Variants in GLI2 observed in about 807,000 individuals in gnomAD.
The protein encoded by GLI2 is transcription activator GLI2.
A neutral mutation model predicts 78.9 loss-of-function variants in GLI2; 22 were observed. The ratio of observed to expected loss-of-function variants is 0.28; its 90% CI spans 0.20 to 0.40. The LOEUF is 0.40. Ranked by LOEUF, GLI2 falls within the 10% of genes least tolerant of loss-of-function variation. GLI2 has a pLI of 1.00. For missense variants in GLI2, 2,097 were observed against 2,213.2 expected (o/e 0.95, Z 1.05); for synonymous variants, 974 against 963.7 (o/e 1.01, Z -0.20).
intron 1 of GLI2, among the ~76,000 whole-genome samples, chr2:120,795,566 G>C (rs1684349443): frequency 6.6e-6 from 1 of 151,204 alleles, no homozygotes; most frequent in East Asian, 1.9e-4. Context: ...AAACAGAAAA[G>C]TTATAGGGCC....
At chr2:120,862,732 C>T (rs1475761239) in intron 2 of GLI2, among the ~76,000 whole-genome samples, 1 of 152,154 alleles carries the variant, frequency 6.6e-6, no homozygotes, top group Admixed American at 6.5e-5. Context: ...GCAGGCACTC[C>T]GAGGTTCTGG....
chr2:120,792,612 C>A (rs1684200637), intron 1 of GLI2, among the ~76,000 whole-genome samples: 1 of 152,096 alleles, frequency 6.6e-6, no homozygotes. Flanking sequence ...TTAACTGGAA[C>A]TTGTAGATTA....
chr2:120,829,199 G>T (rs59371365), intron 2 of GLI2, among the ~76,000 whole-genome samples: 1 of 152,146 alleles, frequency 6.6e-6, no homozygotes, highest in African/African-American at 2.4e-5. Flanking sequence ...GCACACATTC[G>T]CATGCACACG....
intron 2 of GLI2, among the ~76,000 whole-genome samples, chr2:120,798,794 C>T (rs1684542956): frequency 6.6e-6 from 1 of 152,168 alleles, no homozygotes; most frequent in African/African-American, 2.4e-5. Context: ...GGCCCTGGTC[C>T]TGGGGCCACA....
intron 1 of GLI2, among the ~76,000 whole-genome samples, chr2:120,741,126 A>G (rs953538587): frequency 5.3e-5 from 8 of 152,192 alleles, no homozygotes; most frequent in African/African-American, 1.9e-4. Context: ...CTTACAAACC[A>G]TTTGAGTGCT....
At chr2:120,946,251 G>T (rs1680705121) in intron 3 of GLI2, among the ~76,000 whole-genome samples, 1 of 152,168 alleles carries the variant, frequency 6.6e-6, no homozygotes, top group South Asian at 2.1e-4. Context: ...GCACAGCCCT[G>T]TTGGGAGCGT....
chr2:120,933,759 A>G (rs148545243), intron 3 of GLI2, among the ~76,000 whole-genome samples: 11 of 152,004 alleles, frequency 7.2e-5, no homozygotes, highest in Non-Finnish European at 1.3e-4. Context: ...TGTCCTGGAG[A>G]GGAATGTAGA....
chr2:120,868,510 T>C (rs1688264720), intron 2 of GLI2, among the ~76,000 whole-genome samples: 2 of 152,300 alleles, frequency 1.3e-5, no homozygotes, highest in Admixed American at 6.5e-5. Flanking sequence ...CTTTTTCCAG[T>C]GGGAGGTGAT....
chr2:120,801,557 A>G (rs1684708955), intron 2 of GLI2, among the ~76,000 whole-genome samples: 1 of 152,244 alleles, frequency 6.6e-6, no homozygotes, highest in Non-Finnish European at 1.5e-5. Context: ...GAAAATGTTA[A>G]TTAAGACTTT....
chr2:120,990,652 A>G lies in GLI2; in HGVS notation c.4687A>G (p.Lys1563Glu). Reference sequence around the variant, plus strand: ...GCTCACCAGCCTCGCCGAGGAGAGCAAGTTCCTGAACATGATGACCTAGAG... The same window carrying G: ...GCTCACCAGCCTCGCCGAGGAGAGCGAGTTCCTGAACATGATGACCTAGAG... ...SMLTSLAEES[K>E]FLNMMT is the part of the protein sequence containing the mutation. The change falls in exon 14 of 14, where the codon AAG (lysine) becomes GAG (glutamate). Residue 1563 changes from lysine (K) to glutamate (E), a missense_variant. By Grantham distance (56) the Lys-to-Glu change is moderately conservative (BLOSUM62 1). This residue lies in a region of GLI2 where 1,290 missense variants were observed against 1,261.7 expected (regional missense o/e 1.02). Coordinates refer to ENST00000361492, the MANE Select transcript of GLI2 (RefSeq NM_001374353.1). 6.2e-7 allele frequency: 1 copy of G among 1,612,678 alleles called. No individual in the cohort carries two copies. The highest frequency in any genetic ancestry group is 8.5e-7 in the Non-Finnish European group (1 of 1,179,498).
intron 2 of GLI2, among the ~76,000 whole-genome samples, chr2:120,905,477 G>T (rs901313094): frequency 1.3e-5 from 2 of 152,204 alleles, no homozygotes; most frequent in Admixed American, 6.5e-5. Flanking sequence ...GAGACTCAGA[G>T]AGGTTGGGTG....
intron 5 of GLI2, among the ~76,000 whole-genome samples, chr2:120,961,843 A>C (rs1056832241): frequency 6.6e-6 from 1 of 152,150 alleles, no homozygotes; most frequent in Non-Finnish European, 1.5e-5. Context: ...TTTTTTCCTG[A>C]AATGGAAAAC....
chr2:120,986,165 A>ACCCTCAGC, intron 12 of GLI2, 113 bp from the exon 13 acceptor site: 1 of 929,168 alleles, frequency 1.1e-6, no homozygotes, highest in East Asian at 2.5e-5. Context: ...TCCTTCCCTC[A>ACCCTCAGC]CCCTCAGCCC....
rs1161808936 is a variant in GLI2, at chr2:120,890,122, T to G, written c.149-37239T>G. Among the ~76,000 whole-genome samples, 3 of 152,344 alleles carry G rather than the reference T, an allele frequency of 2.0e-5. No homozygotes were observed. The East Asian group carries it at 5.8e-4, about 29-fold the overall frequency. On this transcript the variant is annotated intron_variant, in intron 2 of 13. Transcript: ENST00000361492. ...GCACATTCATACCAGGGAATACTACTCAGCAGTGAAAAGGGACAAACCATA... is the reference window on the plus strand; with the variant it reads ...GCACATTCATACCAGGGAATACTACGCAGCAGTGAAAAGGGACAAACCATA...
At chr2:120,848,926 C>T (rs1410554821) in intron 2 of GLI2, among the ~76,000 whole-genome samples, 1 of 152,092 alleles carries the variant, frequency 6.6e-6, no homozygotes, top group African/African-American at 2.4e-5. Context: ...CTCTAAGTGG[C>T]TTTAATATTA....
intron 1 of GLI2, among the ~76,000 whole-genome samples, chr2:120,751,791 A>C (rs866059683): frequency 1.3e-5 from 2 of 152,306 alleles, no homozygotes; most frequent in Middle Eastern, 6.8e-3. Flanking sequence ...ATTAGTGTGC[A>C]TGTTTTCCCA....
In GLI2 at chr2:120,984,650, G is replaced by A; in HGVS notation, c.1812G>A (p.Glu604=). The change falls in exon 12 of 14, where the codon GAG becomes GAA. Residue 604 remains glutamate (E), a synonymous_variant. Coordinates refer to ENST00000361492, the MANE Select transcript of GLI2 (RefSeq NM_001374353.1). ...KENGDSEAGT[E]PGGPESTEAS... ...ATGGGGACAGTGAGGCCGGCACGGA[G>A]CCTGGCGGCCCAGAGAGCACCGAGG... 6.2e-7 allele frequency: 1 copy of A among 1,614,044 alleles called. No homozygotes were observed. The highest frequency in any genetic ancestry group is 8.5e-7 in the Non-Finnish European group (1 of 1,179,998).
intron 1 of GLI2, among the ~76,000 whole-genome samples, chr2:120,765,290 GT>G (rs992382506): frequency 4.5e-4 from 68 of 152,346 alleles, no homozygotes; most frequent in African/African-American, 1.4e-3. Flanking sequence ...CGGGCCGCCT[GT>G]CCTTTTCCTT....
At chr2:120,983,947 GTGTGTGTGTGTGTGTGT>G (rs1682840292) in intron 11 of GLI2, among the ~76,000 whole-genome samples, 1 of 23,974 alleles carries the variant, frequency 4.2e-5, no homozygotes, top group African/African-American at 9.6e-5. Flanking sequence ...GGTGTGTGGG[GTGTGTGTGTGTGTGTGT>G]GTGTGTGTGT....
Sources: gnomAD v4.1 joint callset for allele counts (sites outside exome capture counted in the v4.1 genomes callset) on GRCh38, gnomAD v4.1.1 for gene constraint, gnomAD v4.1.1 regional missense constraint, MANE v1.5 for transcripts, NCBI Gene and HGNC (gene_info 2026-07-23, HGNC 2026-07-21) for gene names.